Variants in LRIT3 observed in about 807,000 individuals in gnomAD.
The protein encoded by LRIT3 is leucine rich repeat, Ig-like and transmembrane domains 3.
In LRIT3, 14 loss-of-function variants were observed where a neutral mutation model predicts 22.6. That is an observed-to-expected ratio of 0.62 (90% confidence interval 0.41 to 0.97). The LOEUF is 0.97. Among genes scored for constraint, LRIT3 ranks in the 50% least tolerant of loss-of-function variants. The pLI, the probability that LRIT3 is intolerant of heterozygous loss-of-function variation, is 0.00. For synonymous variants in LRIT3, 306 were observed against 304.5 expected, an observed-to-expected ratio of 1.01 and a Z score of -0.05; for missense variants, 783 against 803.0, an observed-to-expected ratio of 0.98 and a Z score of 0.30.
In LRIT3 at chr4:109,870,712, C is replaced by T. The variant is rs2125901838; in HGVS notation, c.1963C>T (p.Leu655=). ...CCACAGGGATGACTCAGAGAAATTG[C>T]TGCTTTGTTCTAGGTCAAGTGTGGA... is the stretch of plus-strand genomic sequence containing the variant. ...RSHRDDSEKL[L]LCSRSSVESQ... is the part of the protein sequence containing the mutation. Residue 655 remains leucine, a synonymous_variant, in exon 4 of 4, where the codon CTG becomes TTG. Transcript: ENST00000594814. 2 of 1,614,100 alleles carry T rather than the reference C, an allele frequency of 1.2e-6. No homozygotes were observed. Among genetic ancestry groups the T allele is most frequent in the Middle Eastern group, 1.6e-4 (1 of 6,062 alleles).
intron 2 of LRIT3, chr4:109,865,010 A>G: frequency 7.8e-7 from 1 of 1,284,430 alleles, no homozygotes; most frequent in Non-Finnish European, 1.0e-6. Flanking sequence ...CAAATTAGGC[A>G]TTCTATCATA....
At position 109,870,679 on chromosome 4, in the gene LRIT3, A is replaced by G; in HGVS notation, c.1930A>G (p.Thr644Ala). ...GTCTCAAAGTGTAGGTGAGCTCTGG[A>G]CACGAAGCCACAGGGATGACTCAGA... ...PRSQSVGELW[T>A]RSHRDDSEKL... The change falls in exon 4 of 4, where the codon ACA (threonine) becomes GCA (alanine). Residue 644 changes from threonine (T) to alanine (A), a missense_variant. Thr to Ala is a moderately conservative substitution (Grantham distance 58). Transcript: ENST00000594814. 1.9e-6 allele frequency: 3 copies of G among 1,614,130 alleles called. No individual in the cohort carries two copies. Among genetic ancestry groups the G allele is most frequent in the Non-Finnish European group, 8.5e-7 (1 of 1,180,002 alleles).
intron 2 of LRIT3, among the ~76,000 whole-genome samples, chr4:109,867,397 A>G (rs1193673192): frequency 6.6e-6 from 1 of 152,210 alleles, no homozygotes; most frequent in East Asian, 1.9e-4. Flanking sequence ...TACATAATCT[A>G]GCACAGAGTG....
chr4:109,862,413 A>G (rs1440134391), intron 2 of LRIT3, among the ~76,000 whole-genome samples: 1 of 152,186 alleles, frequency 6.6e-6, no homozygotes, highest in Non-Finnish European at 1.5e-5. Context: ...ACACTTAAAT[A>G]TATTCAGTTC....
intron 1 of LRIT3, among the ~76,000 whole-genome samples, chr4:109,850,438 T>TCTTC (rs1560589048): frequency 3.0e-5 from 3 of 101,578 alleles, no homozygotes; most frequent in African/African-American, 4.2e-5. Context: ...TTTCTTTCTT[T>TCTTC]CTTTCTTTCT....
intron 1 of LRIT3, 162 bp from the exon 2 acceptor site, chr4:109,851,342 T>G: frequency 1.1e-6 from 1 of 941,206 alleles, no homozygotes; most frequent in Non-Finnish European, 1.5e-6. Context: ...TAGACCTTGG[T>G]TAGATTTGAA....
At chr4:109,851,215 A>T (rs1288483103) in intron 1 of LRIT3, 1 of 292,238 alleles carries the variant, frequency 3.4e-6, no homozygotes, top group Admixed American at 4.7e-5. Context: ...CTGTGCCAGG[A>T]AGTTGTAGAG....
chr4:109,859,808 A>AC (rs1456949522), intron 2 of LRIT3, among the ~76,000 whole-genome samples: 9 of 152,126 alleles, frequency 5.9e-5, no homozygotes, highest in Admixed American at 5.2e-4. Context: ...CACATCACGC[A>AC]TGTTGGCTCA....
chr4:109,853,459 G>T (rs780737553), intron 2 of LRIT3, among the ~76,000 whole-genome samples: 1 of 150,670 alleles, frequency 6.6e-6, no homozygotes, highest in Non-Finnish European at 1.5e-5. Flanking sequence ...TTGTAAATTT[G>T]TTTAAGTTCC....
rs1346660333 is a variant in LRIT3, at chr4:109,871,812, C to T, written c.*1023C>T. ...GGATTCATTTGGTTAGATTCTTTTC[C>T]TAGGTTAAAAACATCGGGGAACTTA... is the stretch of plus-strand genomic sequence containing the variant. On this transcript the variant is annotated 3_prime_UTR_variant, in exon 4 of 4. Transcript: ENST00000594814. 1 of 152,136 alleles carries T rather than the reference C, an allele frequency of 6.6e-6. No individual in the cohort carries two copies. Among genetic ancestry groups the T allele is most frequent in the Admixed American group, 6.5e-5 (1 of 15,274 alleles). The allele number at this position is 152,136 out of a possible 1,614,324, so 9.4% of individuals were successfully genotyped here. A position where few individuals can be genotyped will look rare whatever the true frequency, so the allele number is the denominator to read the frequency against.
At chr4:109,867,486 G>T (rs1734710878) in intron 2 of LRIT3, among the ~76,000 whole-genome samples, 155 bp from the exon 3 acceptor site, 3 of 152,088 alleles carry the variant, frequency 2.0e-5, no homozygotes, top group Admixed American at 2.0e-4. Flanking sequence ...TTGCTGGATT[G>T]CAGAGCAAAA....
chr4:109,851,947 T>C lies in LRIT3; in HGVS notation c.560T>C (p.Leu187Pro). The C allele has an allele frequency of 6.5e-7, 1 of 1,549,612 alleles. No individual in the cohort carries two copies. The highest frequency in any genetic ancestry group is 8.7e-7 in the Non-Finnish European group (1 of 1,146,196). Residue 187 changes from leucine to proline, a missense_variant, in exon 2 of 4, where the codon CTG (leucine) becomes CCG (proline). By Grantham distance (98) the Leu-to-Pro change is moderately conservative. Transcript: ENST00000594814. ...TTAGTTTCAACACCTTCTGGAGTCC[T>C]GGACCTTTCCCCAAGCAGGATTATT... The part of the protein sequence containing the change: ...THLVSTPSGV[L>P]DLSPSRIILG...
At chr4:109,866,068 G>A (rs1054654000) in intron 2 of LRIT3, among the ~76,000 whole-genome samples, 40 of 152,000 alleles carry the variant, frequency 2.6e-4, no homozygotes, top group Non-Finnish European at 3.2e-4. Context: ...AACAGGAGAT[G>A]AAAAAGTAAA....
chr4:109,866,395 T>C (rs1357238031), intron 2 of LRIT3, among the ~76,000 whole-genome samples: 1 of 152,222 alleles, frequency 6.6e-6, no homozygotes, highest in Non-Finnish European at 1.5e-5. Context: ...TAGATCCTTC[T>C]GAGATTTTAG....
chr4:109,871,006 A>G lies in LRIT3; in HGVS notation c.*217A>G. 1 of 409,572 alleles carries G rather than the reference A, an allele frequency of 2.4e-6. No homozygotes were observed. Among genetic ancestry groups the G allele is most frequent in the Non-Finnish European group, 4.2e-6 (1 of 235,642 alleles). The allele number at this position is 409,572 out of a possible 1,614,324, so 25.4% of individuals were successfully genotyped here. A position where few individuals can be genotyped will look rare whatever the true frequency, so the allele number is the denominator to read the frequency against. ...TGTGTGGAAAAGGTCTACAGAAATAATTTTTAGAGTGGTGCTTAATAAATT... is the reference window on the plus strand; with the variant it reads ...TGTGTGGAAAAGGTCTACAGAAATAGTTTTTAGAGTGGTGCTTAATAAATT... On this transcript the variant is annotated 3_prime_UTR_variant, in exon 4 of 4. Coordinates refer to ENST00000594814, the MANE Select transcript of LRIT3 (RefSeq NM_198506.5).
rs1388426656 is a variant in LRIT3 at position 109,870,069 on chromosome 4, A to G, written c.1320A>G (p.Arg440=). 1.2e-6 allele frequency: 2 copies of G among 1,614,090 alleles called. No individual in the cohort carries two copies. Among genetic ancestry groups the G allele is most frequent in the Non-Finnish European group, 1.7e-6 (2 of 1,180,052 alleles). The change falls in exon 4 of 4, where the codon CGA becomes CGG. Residue 440 remains arginine (R), a synonymous_variant. Transcript: ENST00000594814. ...CAAGTACCACCATGGCCAACAAGCG[A>G]TCATTCCAGCTCCACCAAGGTGGGA... ...ISASTTMANK[R]SFQLHQGGKR...
chr4:109,859,659 T>C (rs1734487773), intron 2 of LRIT3, among the ~76,000 whole-genome samples: 2 of 152,306 alleles, frequency 1.3e-5, no homozygotes, highest in Admixed American at 6.5e-5. Flanking sequence ...GTGCACCTCA[T>C]GCATCCGTTT....
rs1431934717 is a variant in LRIT3, at chr4:109,871,623, T to C, written c.*834T>C. Reference sequence around the variant, plus strand: ...TTCTTTCTTCTGCTCTGTCAGAAGATATACAAGTAGCCAAAGCATCACGAG... The same window carrying C: ...TTCTTTCTTCTGCTCTGTCAGAAGACATACAAGTAGCCAAAGCATCACGAG... On this transcript the variant is annotated 3_prime_UTR_variant, in exon 4 of 4. Coordinates refer to ENST00000594814, the MANE Select transcript of LRIT3 (RefSeq NM_198506.5). 1 of 152,204 alleles carries C rather than the reference T, an allele frequency of 6.6e-6. No individual in the cohort carries two copies. The highest frequency in any genetic ancestry group is 1.5e-5 in the Non-Finnish European group (1 of 68,040). The allele number at this position is 152,204 out of a possible 1,614,324, so 9.4% of individuals were successfully genotyped here. A position where few individuals can be genotyped will look rare whatever the true frequency, so the allele number is the denominator to read the frequency against.
At position 109,869,749 on chromosome 4, in the gene LRIT3, G is replaced by T; in HGVS notation, c.1000G>T (p.Ala334Ser). ...TTACAAATGTAAGGCCAAAAATCTG[G>T]CTGGGATGTCAGAAGCTGTGGTTAC... ...GDYKCKAKNL[A>S]GMSEAVVTVT... is the part of the protein sequence containing the mutation. The change falls in exon 4 of 4, where the codon GCT becomes TCT. Residue 334 changes from alanine to serine, a missense_variant. Physicochemically the swap from Ala to Ser is moderately conservative, Grantham distance 99. Transcript: ENST00000594814. The T allele has an allele frequency of 1.2e-6, 2 of 1,613,560 alleles. No individual in the cohort carries two copies. Among genetic ancestry groups the T allele is most frequent in the South Asian group, 2.2e-5 (2 of 91,018 alleles).
Sources: gnomAD v4.1 joint callset for allele counts (sites outside exome capture counted in the v4.1 genomes callset) on GRCh38, gnomAD v4.1.1 for gene constraint, MANE v1.5 for transcripts, NCBI Gene and HGNC (gene_info 2026-07-23, HGNC 2026-07-21) for gene names.